Variants in UVRAG observed in about 807,000 individuals in gnomAD.
The protein encoded by UVRAG is UV radiation resistance-associated gene protein.
UVRAG carries 19 observed loss-of-function variants against 78.0 expected under a neutral mutation model. The ratio of observed to expected loss-of-function variants is 0.24; its 90% confidence interval spans 0.17 to 0.36. The LOEUF (loss-of-function observed/expected upper bound fraction) is 0.36, where lower values mean the gene tolerates loss of function less well. UVRAG is among the 10% of genes least tolerant of loss of function. The pLI is 1.00. For missense variants in UVRAG, 740 were observed against 853.8 expected (o/e 0.87, Z 1.66); for synonymous variants, 323 against 324.6 (o/e 1.00, Z 0.05).
chr11:76,058,349 A>G (rs1314278064), intron 12 of UVRAG, among the ~76,000 whole-genome samples: 1 of 151,970 alleles, frequency 6.6e-6, no homozygotes, highest in Non-Finnish European at 1.5e-5. Context: ...CGGGCAACAT[A>G]GTGAGACCTT....
intron 1 of UVRAG, among the ~76,000 whole-genome samples, chr11:75,833,001 A>C (rs1945694226): frequency 6.6e-6 from 1 of 152,196 alleles, no homozygotes; most frequent in South Asian, 2.1e-4. Flanking sequence ...AGTTGTACTA[A>C]TAGTTTGGAG....
intron 3 of UVRAG, chr11:75,878,339 G>C (rs373415009): frequency 0.059 from 10,782 of 182,510 alleles, 477 homozygotes; most frequent in African/African-American, 0.13. Context: ...TTCCTAGATG[G>C]GATGGCGGCC....
chr11:75,962,165 G>C (rs1385511718), intron 7 of UVRAG, among the ~76,000 whole-genome samples: 1 of 151,928 alleles, frequency 6.6e-6, no homozygotes, highest in African/African-American at 2.4e-5. Context: ...AAGCCACTTG[G>C]GTATGAATAG....
intron 13 of UVRAG, among the ~76,000 whole-genome samples, chr11:76,085,451 G>A (rs2134417591): frequency 1.3e-5 from 2 of 152,312 alleles, no homozygotes; most frequent in Middle Eastern, 3.4e-3. Flanking sequence ...AGTAAGATAA[G>A]GAAATTGTAC....
At chr11:76,015,142 A>G (rs1371461360) in intron 11 of UVRAG, among the ~76,000 whole-genome samples, 4 of 152,144 alleles carry the variant, frequency 2.6e-5, no homozygotes. Flanking sequence ...TTACTAGAAA[A>G]CTGTGAAGAA....
At chr11:75,881,471 G>A (rs1157368649) in intron 4 of UVRAG, among the ~76,000 whole-genome samples, 1 of 152,184 alleles carries the variant, frequency 6.6e-6, no homozygotes, top group Non-Finnish European at 1.5e-5. Context: ...TTCCAAAGGC[G>A]GCAAATCAGA....
At chr11:75,885,024 A>C (rs1947045216) in intron 4 of UVRAG, among the ~76,000 whole-genome samples, 1 of 152,052 alleles carries the variant, frequency 6.6e-6, no homozygotes, top group African/African-American at 2.4e-5. Context: ...CTCCATTTAT[A>C]AAAATTTTCT....
rs10128619 is a variant in UVRAG at position 75,856,525 on chromosome 11, G to A, written c.235+4525G>A. On this transcript the variant is annotated intron_variant, in intron 2 of 14. Transcript: ENST00000356136. ...GAGTGCAGAATCACAGCTCACTATA[G>A]CCTCAACCTTTTGGGCTCAGGTGAT... 5.0e-3 allele frequency among the ~76,000 whole-genome samples: 765 copies of A among 151,546 alleles called. 9 individuals carry two copies. The highest frequency in any genetic ancestry group is 0.018 in the African/African-American group (728 of 41,276).
intron 7 of UVRAG, among the ~76,000 whole-genome samples, chr11:75,965,334 C>T (rs559547098): frequency 9.4e-5 from 14 of 149,056 alleles, no homozygotes; most frequent in African/African-American, 1.6e-4. Context: ...AATTTTGAGA[C>T]GGAGTCTCGC....
At chr11:75,888,236 C>T (rs903411383) in intron 4 of UVRAG, among the ~76,000 whole-genome samples, 1 of 152,126 alleles carries the variant, frequency 6.6e-6, no homozygotes, top group East Asian at 1.9e-4. Flanking sequence ...CAGGCTCCGG[C>T]AGTCCTCCCA....
intron 2 of UVRAG, among the ~76,000 whole-genome samples, chr11:75,853,764 A>G (rs775206298): frequency 1.3e-4 from 17 of 130,750 alleles, no homozygotes; most frequent in South Asian, 6.6e-4. Flanking sequence ...TTATTTGTTT[A>G]TTTATTTATT....
intron 1 of UVRAG, among the ~76,000 whole-genome samples, chr11:75,833,623 G>A (rs964563039): frequency 2.6e-5 from 4 of 152,158 alleles, no homozygotes; most frequent in African/African-American, 9.7e-5. Flanking sequence ...TGGAAATCAG[G>A]GGTCTCACAG....
intron 7 of UVRAG, among the ~76,000 whole-genome samples, chr11:75,983,083 T>A (rs1325821220): frequency 3.9e-5 from 6 of 152,192 alleles, no homozygotes; most frequent in African/African-American, 1.4e-4. Context: ...AACTTACTTA[T>A]TATTAAGTTT....
intron 7 of UVRAG, among the ~76,000 whole-genome samples, chr11:75,982,555 C>A (rs1398196996): frequency 3.3e-5 from 5 of 152,112 alleles, no homozygotes; most frequent in African/African-American, 1.2e-4. Context: ...AGTCCAGGAT[C>A]CCCATGTGGT....
intron 8 of UVRAG, among the ~76,000 whole-genome samples, chr11:75,995,394 G>A (rs1259333292): frequency 6.6e-6 from 1 of 151,204 alleles, no homozygotes; most frequent in Admixed American, 6.6e-5. Context: ...GCTCAGATTT[G>A]GGGAAATAAA....
Position 75,912,143 on chromosome 11 carries a change from T to C in UVRAG, c.593+104T>C, listed in dbSNP as rs549086979. ...TTAACGGAAGCTTTAGAGGCTGTTA[T>C]TCAAGCTTAGCATTTTTTAGTGCAA... On this transcript the variant is annotated intron_variant, in intron 6 of 14. Coordinates refer to ENST00000356136, the MANE Select transcript of UVRAG (RefSeq NM_003369.4). The C allele has an allele frequency of 7.3e-6, 6 of 821,526 alleles. No homozygotes were observed. The East Asian group carries it at 1.0e-4, about 14-fold the overall frequency. 50.9% of individuals were successfully genotyped at this position (821,526 alleles called of 1,614,324 possible). A position where few individuals can be genotyped will look rare whatever the true frequency, so the allele number is the denominator to read the frequency against.
Position 75,815,302 on chromosome 11 carries a change from G to A in UVRAG, c.-106G>A. ...TCTGGGCTGAGCAGTAGTGCCTCTC[G>A]GGTGGCGGGTTTCTAGGCTGCAGGG... On this transcript the variant is annotated 5_prime_UTR_variant, in exon 1 of 15. Coordinates refer to ENST00000356136, the MANE Select transcript of UVRAG (RefSeq NM_003369.4). The A allele has an allele frequency of 1.8e-6, 1 of 564,300 alleles. No homozygotes were observed. 35.0% of individuals were successfully genotyped at this position (564,300 alleles called of 1,614,324 possible). A position where few individuals can be genotyped will look rare whatever the true frequency, so the allele number is the denominator to read the frequency against.
intron 6 of UVRAG, among the ~76,000 whole-genome samples, chr11:75,923,575 T>A (rs1231651153): frequency 6.6e-6 from 1 of 152,190 alleles, no homozygotes; most frequent in Non-Finnish European, 1.5e-5. Flanking sequence ...ATCATTACCA[T>A]CTGAAACAGA....
At chr11:76,063,776 T>A (rs926318980) in intron 12 of UVRAG, among the ~76,000 whole-genome samples, 2 of 152,224 alleles carry the variant, frequency 1.3e-5, no homozygotes, top group Non-Finnish European at 1.5e-5. Context: ...CACATTCTTA[T>A]CTAAAGCTTC....
Sources: allele counts gnomAD v4.1 joint callset (sites outside exome capture counted in the v4.1 genomes callset), GRCh38; gene constraint gnomAD v4.1.1; transcripts MANE v1.5; gene names NCBI Gene and HGNC (gene_info 2026-07-23, HGNC 2026-07-21).